The following FAF1 variants were observed in gnomAD, a reference collection of about 807,000 sequenced individuals.
FAF1 encodes the protein Fas associated factor 1, also known as FAS-associated factor 1.
Under a neutral mutation model 92.5 loss-of-function variants are expected in FAF1, and 25 were observed. The ratio of observed to expected loss-of-function variants is 0.27; its 90% CI spans 0.20 to 0.38. The LOEUF is 0.38. FAF1 is among the 10% of genes least tolerant of loss of function. FAF1 has a pLI of 1.00. For synonymous variants in FAF1, 234 were observed against 273.2 expected (o/e 0.86, Z 1.42); for missense variants, 636 against 793.3 (o/e 0.80, Z 2.38).
rs185208070 is a variant in FAF1 at position 50,895,150 on chromosome 1, G to A, written c.46-37153C>T. On this transcript the variant is annotated intron_variant, in intron 1 of 18. Transcript: ENST00000396153. ...AAATCTTTAACCAGACTAAATAAAA[G>A]AGGAAAATAAATAAAGTCAGAGATT... 2.0e-3 allele frequency among the ~76,000 whole-genome samples: 304 copies of A among 151,772 alleles called. 1 individual carries two copies. Among genetic ancestry groups the A allele is most frequent in the African/African-American group, 7.0e-3 (289 of 41,402 alleles).
At chr1:50,456,447 G>A (rs934168705) in intron 18 of FAF1, among the ~76,000 whole-genome samples, 18 of 152,238 alleles carry the variant, frequency 1.2e-4, no homozygotes, top group African/African-American at 4.3e-4. Context: ...AGGAGGTAAG[G>A]GGAGGGTGAG....
At chr1:50,644,456 A>C (rs543426764) in intron 8 of FAF1, among the ~76,000 whole-genome samples, 1 of 152,144 alleles carries the variant, frequency 6.6e-6, no homozygotes, top group African/African-American at 2.4e-5. Context: ...ATGCATGCAC[A>C]GAGACTGGTA....
chr1:50,744,591 T>C (rs1659514180), intron 5 of FAF1, 93 bp downstream of exon 5: 6 of 794,522 alleles, frequency 7.6e-6, no homozygotes, highest in East Asian at 2.5e-5. Flanking sequence ...TACTGCCATA[T>C]GTAACAACAT....
intron 2 of FAF1, among the ~76,000 whole-genome samples, chr1:50,837,910 A>AT: frequency 6.6e-6 from 1 of 151,944 alleles, no homozygotes; most frequent in South Asian, 2.1e-4. Flanking sequence ...TGCCCAGCTA[A>AT]TTTTTTGTAT....
chr1:50,653,862 T>G (rs1346397769), intron 8 of FAF1, among the ~76,000 whole-genome samples: 1 of 151,932 alleles, frequency 6.6e-6, no homozygotes, highest in East Asian at 1.9e-4. Flanking sequence ...AGAGCAAGAT[T>G]CCAAGTCAAA....
At chr1:50,822,752 TTC>T (rs1368995459) in intron 2 of FAF1, among the ~76,000 whole-genome samples, 8 of 145,970 alleles carry the variant, frequency 5.5e-5, no homozygotes, top group African/African-American at 1.3e-4. Context: ...TGTTTTTTCT[TTC>T]TTTCTTTCTT....
chr1:50,886,018 T>C (rs1422057509), intron 1 of FAF1, among the ~76,000 whole-genome samples: 2 of 152,242 alleles, frequency 1.3e-5, no homozygotes, highest in Non-Finnish European at 2.9e-5. Flanking sequence ...TTTTTGTTTC[T>C]ATTTATATCT....
intron 7 of FAF1, among the ~76,000 whole-genome samples, chr1:50,705,252 G>A (rs1246865199): frequency 1.3e-5 from 2 of 152,174 alleles, no homozygotes; most frequent in South Asian, 2.1e-4. Context: ...CTGGTTGGTC[G>A]TGTTGAAGAA....
intron 8 of FAF1, among the ~76,000 whole-genome samples, chr1:50,599,560 C>A (rs1651994935): frequency 6.6e-6 from 1 of 152,106 alleles, no homozygotes; most frequent in Non-Finnish European, 1.5e-5. Flanking sequence ...AATAATGTCC[C>A]TGTTAAATCA....
chr1:50,638,105 T>C lies in FAF1; in HGVS notation c.744+17337A>G, dbSNP rs1654144953. Among the ~76,000 whole-genome samples, 4 of 152,320 alleles carry C rather than the reference T, an allele frequency of 2.6e-5. No homozygotes were observed. In the South Asian group the frequency reaches 8.3e-4, roughly 32 times the overall value. On this transcript the variant is annotated intron_variant, in intron 8 of 18. Coordinates refer to ENST00000396153, the MANE Select transcript of FAF1 (RefSeq NM_007051.3). Reference sequence around the variant, plus strand: ...AAGTTTTCTAAAACCCATTTCAAAATGTTGTTTGCTATTATATTGTAACAC... The same window carrying C: ...AAGTTTTCTAAAACCCATTTCAAAACGTTGTTTGCTATTATATTGTAACAC...
chr1:50,693,530 A>G (rs1247147246), intron 7 of FAF1, among the ~76,000 whole-genome samples: 1 of 152,162 alleles, frequency 6.6e-6, no homozygotes, highest in African/African-American at 2.4e-5. Flanking sequence ...AATCTTATGT[A>G]TTAGAAAGCC....
Position 50,532,461 on chromosome 1 carries a change from AATT to A in FAF1, c.1494+2905_1494+2907del, listed in dbSNP as rs1186094834. Among the ~76,000 whole-genome samples, 19 of 152,310 alleles carry A rather than the reference AATT, an allele frequency of 1.2e-4. No individual in the cohort carries two copies. In the East Asian group the frequency reaches 3.7e-3, roughly 29 times the overall value. On this transcript the variant is annotated intron_variant, in intron 15 of 18. Transcript: ENST00000396153. The stretch of plus-strand genomic sequence containing the variant: ...AAATGGCTGAAGAATGTTTTTAGTG[AATT>A]ATTGTCAATCAATGCCTCTGTTCCA...
chr1:50,711,698 C>T (rs912646682), intron 6 of FAF1, among the ~76,000 whole-genome samples: 1 of 152,072 alleles, frequency 6.6e-6, no homozygotes, highest in African/African-American at 2.4e-5. Context: ...AACTCCTGAC[C>T]TCGTGATCTG....
intron 2 of FAF1, among the ~76,000 whole-genome samples, chr1:50,809,929 G>C (rs553814169): frequency 6.6e-6 from 1 of 152,334 alleles, no homozygotes; most frequent in Admixed American, 6.5e-5. Context: ...TTATGATCAA[G>C]TGGGCCCTGG....
chr1:50,671,303 T>C (rs1401279266), intron 7 of FAF1, among the ~76,000 whole-genome samples: 1 of 150,670 alleles, frequency 6.6e-6, no homozygotes, highest in East Asian at 2.0e-4. Context: ...TACTCGGGAG[T>C]CTGAGGCAGG....
At chr1:50,552,927 G>A (rs1293570421) in intron 13 of FAF1, among the ~76,000 whole-genome samples, 4 of 152,010 alleles carry the variant, frequency 2.6e-5, no homozygotes, top group East Asian at 1.9e-4. Flanking sequence ...AAGAGAGAGA[G>A]AAAAAAGAGA....
At chr1:50,498,674 AC>A (rs1243727038) in intron 15 of FAF1, among the ~76,000 whole-genome samples, 3 of 152,046 alleles carry the variant, frequency 2.0e-5, no homozygotes, top group Admixed American at 2.0e-4. Flanking sequence ...ATATGGTGAA[AC>A]CCCATCTCCA....
intron 17 of FAF1, among the ~76,000 whole-genome samples, chr1:50,484,619 G>A (rs984776804): frequency 1.3e-5 from 2 of 152,064 alleles, no homozygotes; most frequent in African/African-American, 4.8e-5. Flanking sequence ...TGATGACAGG[G>A]ATGATTATAA....
chr1:50,724,790 C>T (rs1324795353), intron 6 of FAF1, among the ~76,000 whole-genome samples: 1 of 152,242 alleles, frequency 6.6e-6, no homozygotes, highest in Non-Finnish European at 1.5e-5. Flanking sequence ...TCTTTCACTT[C>T]CTGTGCCCTA....
Sources: gnomAD v4.1 joint callset for allele counts (sites outside exome capture counted in the v4.1 genomes callset) on GRCh38, gnomAD v4.1.1 for gene constraint, MANE v1.5 for transcripts, NCBI Gene and HGNC (gene_info 2026-07-23, HGNC 2026-07-21) for gene names.